Variants in B3GALNT1 observed in about 807,000 individuals in gnomAD.
B3GALNT1 encodes beta-1,3-N-acetylgalactosaminyltransferase 1 (Globoside blood group).
B3GALNT1 carries 17 observed loss-of-function variants against 27.3 expected under a neutral mutation model. That is an observed-to-expected ratio of 0.62 (90% confidence interval 0.43 to 0.94). The LOEUF (loss-of-function observed/expected upper bound fraction) is 0.94, where lower values mean the gene tolerates loss of function less well. Ranked by LOEUF, B3GALNT1 falls within the 40% of genes least tolerant of loss-of-function variation. B3GALNT1 has a pLI of 0.00. For missense variants in B3GALNT1, 347 were observed against 390.0 expected, an observed-to-expected ratio of 0.89 and a Z score of 0.93; for synonymous variants, 141 against 144.0, an observed-to-expected ratio of 0.98 and a Z score of 0.15.
chr3:161,095,572 G>A (rs1251641666), intron 4 of B3GALNT1, among the ~76,000 whole-genome samples: 1 of 152,164 alleles, frequency 6.6e-6, no homozygotes, highest in Non-Finnish European at 1.5e-5. Flanking sequence ...ATGGCTTGGA[G>A]GTGCACTAAT....
intron 4 of B3GALNT1, among the ~76,000 whole-genome samples, chr3:161,100,375 C>T (rs556617223): frequency 1.3e-5 from 2 of 152,268 alleles, no homozygotes; most frequent in South Asian, 2.1e-4. Flanking sequence ...ATACTCATTA[C>T]CATTTCCCAA....
Position 161,098,395 on chromosome 3 carries a change from G to C in B3GALNT1, c.-35+2744C>G, listed in dbSNP as rs75676217. On this transcript the variant is annotated intron_variant, in intron 4 of 4. Transcript: ENST00000320474. ...AGTGCAGCACCTCTGTTCTTCTTCAGAGGTGAAGAGTTGTCAGAGCTCAAC... is the reference window on the plus strand; with the variant it reads ...AGTGCAGCACCTCTGTTCTTCTTCACAGGTGAAGAGTTGTCAGAGCTCAAC... 4.3e-4 allele frequency among the ~76,000 whole-genome samples: 65 copies of C among 152,264 alleles called. 1 individual carries two copies. The South Asian group carries it at 0.012, about 27-fold the overall frequency.
intron 4 of B3GALNT1, among the ~76,000 whole-genome samples, chr3:161,091,812 A>G (rs1448868012): frequency 2.0e-5 from 3 of 152,230 alleles, no homozygotes; most frequent in Admixed American, 6.5e-5. Flanking sequence ...CCCATGGATA[A>G]GCAGAGACTA....
In B3GALNT1 at chr3:161,101,207, T is replaced by A; in HGVS notation, c.-103A>T. ...GCAGCCAGCGGGAAGAGCCAACAGGTCAACCGGGTCCAGGGAGCTAAGAAA... is the reference window on the plus strand; with the variant it reads ...GCAGCCAGCGGGAAGAGCCAACAGGACAACCGGGTCCAGGGAGCTAAGAAA... On this transcript the variant is annotated 5_prime_UTR_variant, in exon 4 of 5. Coordinates refer to ENST00000320474, the MANE Select transcript of B3GALNT1 (RefSeq NM_003781.4). 7.8e-7 allele frequency: 1 copy of A among 1,289,720 alleles called. No individual in the cohort carries two copies. Among genetic ancestry groups the A allele is most frequent in the African/African-American group, 1.5e-5 (1 of 65,902 alleles). 79.9% of individuals were successfully genotyped at this position (1,289,720 alleles called of 1,614,324 possible).
In B3GALNT1 at chr3:161,086,746, C is replaced by T. The variant is rs369135949; in HGVS notation, c.9G>A (p.Ser3=). Residue 3 remains serine (S), a synonymous_variant, in exon 5 of 5, where the codon TCG becomes TCA. Transcript: ENST00000320474. The stretch of plus-strand genomic sequence containing the variant: ...TACTCGGAAGGACAGTCCAGAGAGC[C>T]GAGGCCATCCACAGCAGCTCAGAAG... The part of the protein sequence containing the change: MA[S]ALWTVLPSRM... 7.4e-6 allele frequency: 12 copies of T among 1,613,664 alleles called. No homozygotes were observed. The highest frequency in any genetic ancestry group is 2.2e-5 in the East Asian group (1 of 44,874).
intron 4 of B3GALNT1, among the ~76,000 whole-genome samples, chr3:161,087,095 G>T (rs1316798503): frequency 3.9e-5 from 6 of 152,132 alleles, no homozygotes; most frequent in Admixed American, 3.9e-4. Flanking sequence ...GTGCAGATAT[G>T]ATAGGGACAG....
chr3:161,086,515 C>T lies in B3GALNT1; in HGVS notation c.240G>A (p.Leu80=), dbSNP rs756261198. 6.2e-7 allele frequency: 1 copy of T among 1,614,118 alleles called. No individual in the cohort carries two copies. The highest frequency in any genetic ancestry group is 1.7e-5 in the Admixed American group (1 of 60,018). Residue 80 remains leucine, a synonymous_variant, in exon 5 of 5, where the codon CTG becomes CTA. Coordinates refer to ENST00000320474, the MANE Select transcript of B3GALNT1 (RefSeq NM_003781.4). The part of the protein sequence containing the change: ...HSNCSHQNPF[L]VILVTSHPSD... ...AAGGGTGGGAGGTCACCAGAATGAC[C>T]AGAAATGGATTTTGATGAGAGCAGT...
chr3:161,086,633 T>C lies in B3GALNT1; in HGVS notation c.122A>G (p.Tyr41Cys), dbSNP rs569573167. 4.3e-6 allele frequency: 7 copies of C among 1,614,118 alleles called. No individual in the cohort carries two copies. Among genetic ancestry groups the C allele is most frequent in the South Asian group, 1.1e-5 (1 of 91,078 alleles). ...CCAGTTCACGCGTTCTATCACATTG[T>C]AGTGGGGAAGGCTGAGGTACCACAT... ...FVMWYLSLPHYNVIERVNWMY... is the reference protein window; with the variant it reads ...FVMWYLSLPHCNVIERVNWMY... The change falls in exon 5 of 5, where the codon TAC (tyrosine) becomes TGC (cysteine). Residue 41 changes from tyrosine to cysteine, a missense_variant. Physicochemically the swap from Tyr to Cys is radical, Grantham distance 194. Coordinates refer to ENST00000320474, the MANE Select transcript of B3GALNT1 (RefSeq NM_003781.4).
chr3:161,088,768 C>G (rs952978015), intron 4 of B3GALNT1, among the ~76,000 whole-genome samples: 2 of 152,176 alleles, frequency 1.3e-5, no homozygotes, highest in Non-Finnish European at 2.9e-5. Flanking sequence ...TTTGGAAAAA[C>G]AGAAGGCAAG....
intron 2 of B3GALNT1, 43 bp from the exon 3 acceptor site, chr3:161,103,560 T>C (rs1442197555): frequency 2.5e-6 from 2 of 810,910 alleles, no homozygotes; most frequent in Non-Finnish European, 3.5e-6. Flanking sequence ...GTCATAACAT[T>C]AGGAATTATG....
At chr3:161,092,523 A>C (rs1467816888) in intron 4 of B3GALNT1, among the ~76,000 whole-genome samples, 3 of 152,172 alleles carry the variant, frequency 2.0e-5, no homozygotes, top group Non-Finnish European at 4.4e-5. Context: ...AGGGGGAAAA[A>C]AACACTGGTC....
Position 161,085,511 on chromosome 3 carries a change from G to C in B3GALNT1, c.*248C>G, listed in dbSNP as rs1721214135. 3.9e-6 allele frequency: 2 copies of C among 507,018 alleles called. No homozygotes were observed. The highest frequency in any genetic ancestry group is 2.4e-5 in the South Asian group (1 of 41,562). 31.4% of individuals were successfully genotyped at this position (507,018 alleles called of 1,614,324 possible). Reference sequence around the variant, plus strand: ...ACAGAATGACATGTCCAAATTGTTTGGTCCTATTAATTTCTTTAGCAAAAA... The same window carrying C: ...ACAGAATGACATGTCCAAATTGTTTCGTCCTATTAATTTCTTTAGCAAAAA... On this transcript the variant is annotated 3_prime_UTR_variant, in exon 5 of 5. Transcript: ENST00000320474.
intron 1 of B3GALNT1, chr3:161,104,894 C>G (rs1351550559): frequency 1.3e-5 from 2 of 152,700 alleles, no homozygotes; most frequent in Non-Finnish European, 2.9e-5. Flanking sequence ...AGGTATTGCA[C>G]CCTGGGGCAA....
At chr3:161,104,472 TAA>T in intron 1 of B3GALNT1, 66 bp from the exon 2 acceptor site, 4 of 686,386 alleles carry the variant, frequency 5.8e-6, no homozygotes, top group South Asian at 5.0e-5. Context: ...AATCCAACAT[TAA>T]GAAGGCGAAC....
intron 4 of B3GALNT1, among the ~76,000 whole-genome samples, chr3:161,098,589 T>G (rs1257467999): frequency 6.6e-6 from 1 of 152,188 alleles, no homozygotes; most frequent in Non-Finnish European, 1.5e-5. Context: ...GGTGCATGCC[T>G]GTAATGCCAG....
At chr3:161,101,018 C>T in intron 4 of B3GALNT1, 121 bp downstream of exon 4, 1 of 650,322 alleles carries the variant, frequency 1.5e-6, no homozygotes, top group South Asian at 1.6e-5. Flanking sequence ...CCTTCAACTC[C>T]AAATGCCAAG....
intron 3 of B3GALNT1, 103 bp from the exon 4 acceptor site, chr3:161,101,336 G>T: frequency 1.7e-6 from 1 of 605,426 alleles, no homozygotes; most frequent in South Asian, 1.5e-5. Context: ...TTTATCCACT[G>T]GAGGAAGAGT....
intron 4 of B3GALNT1, chr3:161,090,038 C>A: frequency 5.1e-6 from 1 of 195,584 alleles, no homozygotes; most frequent in Non-Finnish European, 1.2e-5. Flanking sequence ...CACTGTACTC[C>A]AGCCTGGGCA....
At chr3:161,099,923 G>C (rs1730304529) in intron 4 of B3GALNT1, among the ~76,000 whole-genome samples, 1 of 152,160 alleles carries the variant, frequency 6.6e-6, no homozygotes, top group Non-Finnish European at 1.5e-5. Context: ...CATTTTGAAA[G>C]GGTCACTAAC....
Sources: gnomAD v4.1 joint callset for allele counts (sites outside exome capture counted in the v4.1 genomes callset) on GRCh38, gnomAD v4.1.1 for gene constraint, MANE v1.5 for transcripts, NCBI Gene and HGNC (gene_info 2026-07-23, HGNC 2026-07-21) for gene names.